The following ARHGAP24 variants were observed in gnomAD, a reference collection of about 807,000 sequenced individuals.
ARHGAP24 encodes the protein Rho GTPase activating protein 24, also known as rho GTPase-activating protein 24.
Under a neutral mutation model 76.4 loss-of-function variants are expected in ARHGAP24, and 50 were observed. The observed-to-expected ratio is 0.65, with a 90% CI of 0.52 to 0.83. ARHGAP24 has a LOEUF of 0.83. ARHGAP24 is among the 40% of genes least tolerant of loss of function. ARHGAP24 has a pLI of 0.00. For missense variants in ARHGAP24, 930 were observed against 914.2 expected, an observed-to-expected ratio of 1.02 and a Z score of -0.22; for synonymous variants, 345 against 323.3, an observed-to-expected ratio of 1.07 and a Z score of -0.72.
chr4:85,792,405 C>T (rs530448460), intron 3 of ARHGAP24, among the ~76,000 whole-genome samples: 5 of 152,222 alleles, frequency 3.3e-5, no homozygotes, highest in African/African-American at 1.2e-4. Flanking sequence ...ATAGCACAAA[C>T]TGCTTTAAAG....
chr4:85,894,992 AACAAAAAGC>A (rs1560701728), intron 3 of ARHGAP24, among the ~76,000 whole-genome samples: 4 of 24,228 alleles, frequency 1.7e-4, no homozygotes, highest in Admixed American at 3.9e-4. Context: ...AAAAAAACAA[AACAAAAAGC>A]AAAAAAAAAA....
chr4:85,712,176 G>A (rs978275434), intron 2 of ARHGAP24, among the ~76,000 whole-genome samples: 4 of 152,134 alleles, frequency 2.6e-5, no homozygotes, highest in African/African-American at 9.7e-5. Context: ...CAGATACTCT[G>A]CCTTGGGGTT....
chr4:85,893,729 C>T (rs186520077), intron 3 of ARHGAP24, among the ~76,000 whole-genome samples: 5,587 of 149,682 alleles, frequency 0.037, 147 homozygotes, highest in Non-Finnish European at 0.055. Context: ...CCGAGAGATC[C>T]GCTGTTAGTC....
At chr4:85,630,718 A>G (rs1449720239) in intron 2 of ARHGAP24, among the ~76,000 whole-genome samples, 2 of 152,040 alleles carry the variant, frequency 1.3e-5, no homozygotes, top group African/African-American at 4.8e-5. Flanking sequence ...AACATTGTAC[A>G]TTATAATTTA....
intron 2 of ARHGAP24, among the ~76,000 whole-genome samples, chr4:85,700,280 A>G (rs778459365): frequency 5.9e-5 from 9 of 152,076 alleles, no homozygotes; most frequent in Non-Finnish European, 1.3e-4. Context: ...CTGTAATCCC[A>G]GCTACTGGGG....
intron 3 of ARHGAP24, among the ~76,000 whole-genome samples, chr4:85,811,950 T>C (rs748354173): frequency 6.6e-6 from 1 of 152,132 alleles, no homozygotes; most frequent in Non-Finnish European, 1.5e-5. Flanking sequence ...TGGAGGTAGG[T>C]GGATCACCTA....
chr4:85,705,652 G>C (rs1236658434), intron 2 of ARHGAP24, among the ~76,000 whole-genome samples: 3 of 152,206 alleles, frequency 2.0e-5, no homozygotes, highest in Admixed American at 2.0e-4. Flanking sequence ...TTAATTGCTA[G>C]TGTTATCTGT....
chr4:85,544,875 T>C (rs1277006737), intron 1 of ARHGAP24, among the ~76,000 whole-genome samples: 1 of 152,060 alleles, frequency 6.6e-6, no homozygotes, highest in Non-Finnish European at 1.5e-5. Context: ...GTTCAGCTTT[T>C]CTTTTTTTCG....
intron 3 of ARHGAP24, among the ~76,000 whole-genome samples, chr4:85,918,267 T>A (rs1218141684): frequency 6.6e-6 from 1 of 151,938 alleles, no homozygotes; most frequent in Non-Finnish European, 1.5e-5. Flanking sequence ...AATTTATATA[T>A]CTACTTTTAT....
At chr4:85,722,803 G>A (rs72974975) in intron 3 of ARHGAP24, among the ~76,000 whole-genome samples, 87 of 152,312 alleles carry the variant, frequency 5.7e-4, no homozygotes, top group African/African-American at 2.1e-3. Context: ...GTCTAGGGTG[G>A]ATGTGAATTT....
At chr4:85,857,328 T>G (rs1286304048) in intron 3 of ARHGAP24, among the ~76,000 whole-genome samples, 1 of 152,234 alleles carries the variant, frequency 6.6e-6, no homozygotes, top group Non-Finnish European at 1.5e-5. Flanking sequence ...AACCTTGTCA[T>G]GTATATAAAA....
intron 1 of ARHGAP24, among the ~76,000 whole-genome samples, chr4:85,555,294 G>C (rs536359779): frequency 2.0e-4 from 30 of 152,304 alleles, no homozygotes; most frequent in African/African-American, 7.0e-4. Context: ...GCTTTAGTTT[G>C]AGTACAGTCA....
chr4:85,753,217 T>C (rs115148943), intron 3 of ARHGAP24, among the ~76,000 whole-genome samples: 2,278 of 152,318 alleles, frequency 0.015, 50 homozygotes, highest in African/African-American at 0.051. Context: ...TTAAATTGTA[T>C]AGAGATGTTC....
At chr4:85,749,568 T>C (rs1726180170) in intron 3 of ARHGAP24, among the ~76,000 whole-genome samples, 1 of 152,098 alleles carries the variant, frequency 6.6e-6, no homozygotes, top group Admixed American at 6.5e-5. Context: ...GTTATTGTTG[T>C]TGTTGTTTGT....
intron 2 of ARHGAP24, among the ~76,000 whole-genome samples, chr4:85,721,368 C>G (rs902476864): frequency 1.3e-5 from 2 of 149,270 alleles, no homozygotes; most frequent in South Asian, 4.2e-4. Context: ...ACAATCCCAC[C>G]TGGGTGACAA....
intron 2 of ARHGAP24, among the ~76,000 whole-genome samples, chr4:85,579,616 TTATC>T (rs1727525423): frequency 6.6e-6 from 1 of 152,064 alleles, no homozygotes; most frequent in Non-Finnish European, 1.5e-5. Flanking sequence ...TGGTGACTAT[TTATC>T]AATTATAAAC....
At chr4:85,551,601 A>G (rs188140620) in intron 1 of ARHGAP24, among the ~76,000 whole-genome samples, 2 of 152,164 alleles carry the variant, frequency 1.3e-5, no homozygotes, top group East Asian at 1.9e-4. Flanking sequence ...AATAGTTTCA[A>G]TAGAAATGGT....
intron 1 of ARHGAP24, among the ~76,000 whole-genome samples, chr4:85,544,357 A>G (rs1428468218): frequency 6.6e-6 from 1 of 152,142 alleles, no homozygotes; most frequent in Non-Finnish European, 1.5e-5. Context: ...TCAAGTGCCT[A>G]CTTTCTGTTT....
intron 3 of ARHGAP24, among the ~76,000 whole-genome samples, chr4:85,819,812 C>T (rs961593774): frequency 4.6e-5 from 7 of 151,822 alleles, no homozygotes; most frequent in African/African-American, 1.2e-4. Context: ...CCCAGTTACT[C>T]GGGAGGCTGA....
Sources: allele counts gnomAD v4.1 joint callset (sites outside exome capture counted in the v4.1 genomes callset), GRCh38; gene constraint gnomAD v4.1.1; transcripts MANE v1.5; gene names NCBI Gene and HGNC (gene_info 2026-07-23, HGNC 2026-07-21).